MCC: variants seen among roughly 807,000 people sequenced by gnomAD.
MCC encodes colorectal mutant cancer protein.
MCC carries 90 observed loss-of-function variants against 116.2 expected under a neutral mutation model. The observed-to-expected ratio is 0.77, with a 90% CI of 0.65 to 0.92. The LOEUF (loss-of-function observed/expected upper bound fraction) is 0.92. Ranked by LOEUF, MCC falls within the 40% of genes least tolerant of loss-of-function variation. MCC has a pLI of 0.00. For synonymous variants in MCC, 578 were observed against 510.5 expected (o/e 1.13, Z -1.78); for missense variants, 1,516 against 1,312.2 (o/e 1.16, Z -2.40).
chr5:113,085,483 T>A (rs1434716183), intron 8 of MCC, among the ~76,000 whole-genome samples, 173 bp from the exon 9 acceptor site: 2 of 151,918 alleles, frequency 1.3e-5, no homozygotes, highest in African/African-American at 4.8e-5. Context: ...GACTAATAAT[T>A]TTTTTTTAAT....
chr5:113,429,912 G>A (rs1276646398), intron 1 of MCC, among the ~76,000 whole-genome samples: 1 of 152,162 alleles, frequency 6.6e-6, no homozygotes, highest in Non-Finnish European at 1.5e-5. Flanking sequence ...CTGTGGGTGG[G>A]AAAACACTGA....
chr5:113,075,818 G>C (rs1754411291), intron 11 of MCC, among the ~76,000 whole-genome samples: 1 of 152,252 alleles, frequency 6.6e-6, no homozygotes, highest in South Asian at 2.1e-4. Flanking sequence ...CTCACTCTTT[G>C]GGTCCGCGCC....
chr5:113,136,703 G>C (rs1215317925), intron 5 of MCC, among the ~76,000 whole-genome samples: 1 of 152,124 alleles, frequency 6.6e-6, no homozygotes, highest in Non-Finnish European at 1.5e-5. Context: ...TTTGTATCCT[G>C]TAACTTTACT....
At chr5:113,171,507 A>G (rs768682612) in intron 3 of MCC, among the ~76,000 whole-genome samples, 1 of 151,846 alleles carries the variant, frequency 6.6e-6, no homozygotes, top group Non-Finnish European at 1.5e-5. Flanking sequence ...GGCATGCACT[A>G]TTACACCTGG....
chr5:113,079,280 A>T (rs938335416), intron 11 of MCC, among the ~76,000 whole-genome samples: 1 of 152,246 alleles, frequency 6.6e-6, no homozygotes, highest in African/African-American at 2.4e-5. Flanking sequence ...TATCAATGAC[A>T]TTCTTCACAG....
chr5:113,181,054 A>T (rs1188654741), intron 3 of MCC, among the ~76,000 whole-genome samples: 1 of 152,156 alleles, frequency 6.6e-6, no homozygotes, highest in Non-Finnish European at 1.5e-5. Flanking sequence ...CTAAAAACCT[A>T]TATTCTTATA....
rs141678983 is a variant in MCC at position 113,442,746 on chromosome 5, C to T, written c.170+45499G>A. 4.8e-3 allele frequency among the ~76,000 whole-genome samples: 735 copies of T among 152,148 alleles called. 9 individuals carry two copies. The highest frequency in any genetic ancestry group is 0.02 in the East Asian group (103 of 5,180). ...AGCCAGTTTTCCCAGCACCATTTAT[C>T]AAATAGGGAATCCTTTCCCCATTGC... On this transcript the variant is annotated intron_variant, in intron 1 of 18. Coordinates refer to ENST00000408903, the MANE Select transcript of MCC (RefSeq NM_001085377.2).
chr5:113,186,819 T>G (rs776085109), intron 3 of MCC, among the ~76,000 whole-genome samples: 8 of 152,132 alleles, frequency 5.3e-5, no homozygotes, highest in Admixed American at 1.3e-4. Flanking sequence ...CTCAACCACA[T>G]GCAAGTTTGT....
At chr5:113,034,637 T>A (rs1163699686) in intron 17 of MCC, among the ~76,000 whole-genome samples, 3 of 152,236 alleles carry the variant, frequency 2.0e-5, no homozygotes, top group Non-Finnish European at 4.4e-5. Context: ...AATTGCTGAT[T>A]ATATGGAATT....
chr5:113,220,351 G>C (rs1024156187), intron 3 of MCC, among the ~76,000 whole-genome samples: 1 of 151,826 alleles, frequency 6.6e-6, no homozygotes, highest in African/African-American at 2.4e-5. Flanking sequence ...GAGCCACTGC[G>C]CCCGGCCAGC....
intron 3 of MCC, among the ~76,000 whole-genome samples, chr5:113,310,291 T>G (rs1214376303): frequency 1.1e-4 from 16 of 152,224 alleles, no homozygotes; most frequent in Non-Finnish European, 2.4e-4. Flanking sequence ...TTTCACCATA[T>G]GAGGATACAG....
At chr5:113,125,785 G>A (rs541141274) in intron 5 of MCC, among the ~76,000 whole-genome samples, 3 of 152,238 alleles carry the variant, frequency 2.0e-5, no homozygotes, top group Middle Eastern at 3.4e-3. Context: ...TGCCTGGTGA[G>A]GCTAATGACA....
intron 2 of MCC, among the ~76,000 whole-genome samples, chr5:113,355,457 GC>G (rs1768386971): frequency 6.6e-6 from 1 of 152,132 alleles, no homozygotes; most frequent in Non-Finnish European, 1.5e-5. Flanking sequence ...TGCTGGTTTT[GC>G]TTAAAGGCTC....
At chr5:113,383,887 T>C (rs978409318) in intron 2 of MCC, among the ~76,000 whole-genome samples, 1 of 152,150 alleles carries the variant, frequency 6.6e-6, no homozygotes, top group Admixed American at 6.5e-5. Flanking sequence ...ACTACACAAT[T>C]ATCTATGCTC....
intron 3 of MCC, among the ~76,000 whole-genome samples, chr5:113,199,156 A>G (rs1007653078): frequency 1.3e-5 from 2 of 152,108 alleles, no homozygotes; most frequent in Non-Finnish European, 2.9e-5. Context: ...TAGGTGACAG[A>G]GCGAGACTCC....
At chr5:113,260,836 A>C (rs1250488346) in intron 3 of MCC, among the ~76,000 whole-genome samples, 3 of 152,084 alleles carry the variant, frequency 2.0e-5, no homozygotes, top group Non-Finnish European at 4.4e-5. Flanking sequence ...TGTCAAGCAC[A>C]GGGTTGCAAA....
chr5:113,354,184 G>C (rs917404161), intron 2 of MCC, among the ~76,000 whole-genome samples: 8 of 152,256 alleles, frequency 5.3e-5, no homozygotes, highest in Admixed American at 5.2e-4. Flanking sequence ...CAGACAGAGA[G>C]TATTCTAGAG....
chr5:113,124,659 G>A (rs1757940088), intron 5 of MCC, among the ~76,000 whole-genome samples: 1 of 152,198 alleles, frequency 6.6e-6, no homozygotes, highest in Admixed American at 6.5e-5. Flanking sequence ...GGAAAGTATG[G>A]GAAAGGGAAG....
At chr5:113,084,609 G>A (rs1343562613) in intron 9 of MCC, among the ~76,000 whole-genome samples, 1 of 146,994 alleles carries the variant, frequency 6.8e-6, no homozygotes, top group African/African-American at 2.7e-5. Flanking sequence ...CCTTATTGTG[G>A]TGGCTAGCAG....
Sources: allele counts gnomAD v4.1 joint callset (sites outside exome capture counted in the v4.1 genomes callset), GRCh38; gene constraint gnomAD v4.1.1; transcripts MANE v1.5; gene names NCBI Gene and HGNC (gene_info 2026-07-23, HGNC 2026-07-21).